Variants in INPP5A observed in about 807,000 individuals in gnomAD.
The protein encoded by INPP5A is inositol polyphosphate-5-phosphatase A, also known as 43 kDa inositol polyphosphate 5-phophatase.
INPP5A carries 14 observed loss-of-function variants against 65.2 expected under a neutral mutation model. That is an observed-to-expected ratio of 0.21 (90% CI 0.14 to 0.34). The LOEUF (loss-of-function observed/expected upper bound fraction) is 0.34, where lower values mean the gene tolerates loss of function less well. Ranked by LOEUF, INPP5A falls within the 10% of genes least tolerant of loss-of-function variation. INPP5A has a pLI of 1.00. For missense variants in INPP5A, 431 were observed against 545.6 expected, an observed-to-expected ratio of 0.79 and a Z score of 2.09; for synonymous variants, 207 against 208.3, an observed-to-expected ratio of 0.99 and a Z score of 0.05.
chr10:132,672,491 C>G (rs2072903653), intron 4 of INPP5A, among the ~76,000 whole-genome samples: 1 of 152,170 alleles, frequency 6.6e-6, no homozygotes, highest in South Asian at 2.1e-4. Context: ...GATGGTTTTA[C>G]AAAGAGGAGT....
Position 132,727,151 on chromosome 10 carries a change from G to A in INPP5A, c.732+246G>A, listed in dbSNP as rs909791236. On this transcript the variant is annotated intron_variant, in intron 9 of 15. Coordinates refer to ENST00000368594, the MANE Select transcript of INPP5A (RefSeq NM_005539.5). This position sits in a 1 kb window ranked among gnomAD's most constrained non-coding sequence, Gnocchi z 6.5. ...GCGGGTGACAGTGCTGTGGGGCTTTGCCCTGTGGCTTCCGCCGTCGGCACA... is the reference window on the plus strand; with the variant it reads ...GCGGGTGACAGTGCTGTGGGGCTTTACCCTGTGGCTTCCGCCGTCGGCACA... The A allele has an allele frequency of 8.1e-6, 3 of 368,148 alleles. No individual in the cohort carries two copies. Among genetic ancestry groups the A allele is most frequent in the Non-Finnish European group, 1.5e-5 (3 of 202,986 alleles). 22.8% of individuals were successfully genotyped at this position (368,148 alleles called of 1,614,324 possible).
At chr10:132,695,821 A>G (rs963936933) in intron 5 of INPP5A, among the ~76,000 whole-genome samples, 8 of 152,264 alleles carry the variant, frequency 5.3e-5, no homozygotes, top group East Asian at 3.8e-4. Flanking sequence ...GAGGAAAACT[A>G]TAAAACTCTG....
intron 11 of INPP5A, 54 bp downstream of exon 11, chr10:132,749,899 C>T (rs1846443268): frequency 2.1e-6 from 3 of 1,462,996 alleles, no homozygotes; most frequent in African/African-American, 2.8e-5. Flanking sequence ...TCCACGCCCC[C>T]AGGCCTTCCC....
At chr10:132,557,612 G>T (rs1244513852) in intron 1 of INPP5A, among the ~76,000 whole-genome samples, 1 of 152,230 alleles carries the variant, frequency 6.6e-6, no homozygotes, top group East Asian at 1.9e-4. Flanking sequence ...GTCATTGAGT[G>T]CTGGTTTGAA....
chr10:132,689,313 G>T (rs1017760292), intron 4 of INPP5A, among the ~76,000 whole-genome samples: 2 of 152,166 alleles, frequency 1.3e-5, no homozygotes, highest in African/African-American at 4.8e-5. Flanking sequence ...GGCAGCCCCT[G>T]CCCTCCGTCT....
rs899861674 is a variant in INPP5A, at chr10:132,545,758, C to T, written c.75+7587C>T. 3.3e-5 allele frequency among the ~76,000 whole-genome samples: 5 copies of T among 152,236 alleles called. No homozygotes were observed. Among genetic ancestry groups the T allele is most frequent in the African/African-American group, 9.6e-5 (4 of 41,470 alleles). On this transcript the variant is annotated intron_variant, in intron 1 of 15. Transcript: ENST00000368594. The surrounding 1 kb of genome is among the most constrained non-coding windows in gnomAD (Gnocchi z 4.6). ...GCTCAGAGGCTCTGGAGCCCCAAGT[C>T]GCACCCCACCAGGTCTGGTTGGTGC...
chr10:132,664,507 T>C (rs1191094593), intron 4 of INPP5A, among the ~76,000 whole-genome samples: 1 of 152,232 alleles, frequency 6.6e-6, no homozygotes, highest in Admixed American at 6.5e-5. Flanking sequence ...CATCGTGTTT[T>C]TCAGTGTGTT....
At position 132,616,897 on chromosome 10, in the gene INPP5A, G is replaced by A. The variant is rs2072041808; in HGVS notation, c.117+8941G>A. Reference sequence around the variant, plus strand: ...TCTGTTCTGGGAGTGAGGATGTTTGGGGGTTGTGGAGCCATCGTGCTGGCC... The same window carrying A: ...TCTGTTCTGGGAGTGAGGATGTTTGAGGGTTGTGGAGCCATCGTGCTGGCC... On this transcript the variant is annotated intron_variant, in intron 2 of 15. Coordinates refer to ENST00000368594, the MANE Select transcript of INPP5A (RefSeq NM_005539.5). This position sits in a 1 kb window ranked among gnomAD's most constrained non-coding sequence, Gnocchi z 4.9. Among the ~76,000 whole-genome samples the A allele has an allele frequency of 6.6e-6, 1 of 152,004 alleles. No homozygotes were observed. Among genetic ancestry groups the A allele is most frequent in the African/African-American group, 2.4e-5 (1 of 41,368 alleles).
rs569485993 is a variant in INPP5A, at chr10:132,668,334, G to A, written c.306+17829G>A. ...GTTGAGGCTTTCTGTTGGTGGTTAGGGGGCAAAGTGACGCCCTGTAACTTA... is the reference window on the plus strand; with the variant it reads ...GTTGAGGCTTTCTGTTGGTGGTTAGAGGGCAAAGTGACGCCCTGTAACTTA... On this transcript the variant is annotated intron_variant, in intron 4 of 15. Coordinates refer to ENST00000368594, the MANE Select transcript of INPP5A (RefSeq NM_005539.5). Among the ~76,000 whole-genome samples, 52 of 152,292 alleles carry A rather than the reference G, an allele frequency of 3.4e-4. 1 individual carries two copies. In the Middle Eastern group the frequency reaches 0.01, roughly 30 times the overall value.
intron 2 of INPP5A, among the ~76,000 whole-genome samples, chr10:132,622,896 G>A (rs2072125368): frequency 1.4e-5 from 2 of 143,906 alleles, no homozygotes; most frequent in Admixed American, 7.0e-5. Flanking sequence ...AATATACCGC[G>A]TTCGTGGATT....
chr10:132,771,819 C>G (rs562581159), intron 12 of INPP5A, among the ~76,000 whole-genome samples: 1 of 117,402 alleles, frequency 8.5e-6, no homozygotes, highest in African/African-American at 3.5e-5. Flanking sequence ...GCAGCCGCCC[C>G]GTGAAGAGTG....
At chr10:132,666,506 A>C (rs1339950114) in intron 4 of INPP5A, among the ~76,000 whole-genome samples, 1 of 152,040 alleles carries the variant, frequency 6.6e-6, no homozygotes, top group Non-Finnish European at 1.5e-5. Flanking sequence ...AAACAGCCAC[A>C]AAAAAACCCC....
intron 11 of INPP5A, among the ~76,000 whole-genome samples, chr10:132,764,903 G>T (rs1475704220): frequency 4.3e-5 from 6 of 139,380 alleles, no homozygotes; most frequent in Non-Finnish European, 9.3e-5. Context: ...TCAGGAACAC[G>T]GTCGGGCCAG....
chr10:132,774,620 G>C (rs889363729), intron 12 of INPP5A, among the ~76,000 whole-genome samples: 3 of 152,104 alleles, frequency 2.0e-5, no homozygotes. Flanking sequence ...CCAAGACCTC[G>C]ACATAGCCGG....
chr10:132,690,395 C>T lies in INPP5A; in HGVS notation c.310C>T (p.Leu104=). 1.9e-6 allele frequency: 3 copies of T among 1,603,598 alleles called. No homozygotes were observed. Among genetic ancestry groups the T allele is most frequent in the South Asian group, 1.1e-5 (1 of 90,838 alleles). ...GATTTCTCTTTTTGCTCTACAGGCA[C>T]TAGGAAGCTTTTATTTTCTTCATGA... is the stretch of plus-strand genomic sequence containing the variant. ...NYKSQEHFTA[L]GSFYFLHESL... Residue 104 remains leucine (L), a synonymous_variant, in exon 5 of 16, where the codon CTA becomes TTA. Transcript: ENST00000368594.
rs1387500420 is a variant in INPP5A, at chr10:132,678,449, T to C, written c.307-11943T>C. Among the ~76,000 whole-genome samples, 1 of 152,230 alleles carries C rather than the reference T, an allele frequency of 6.6e-6. No homozygotes were observed. Among genetic ancestry groups the C allele is most frequent in the Non-Finnish European group, 1.5e-5 (1 of 68,030 alleles). On this transcript the variant is annotated intron_variant, in intron 4 of 15. Coordinates refer to ENST00000368594, the MANE Select transcript of INPP5A (RefSeq NM_005539.5). The surrounding 1 kb of genome is among the most constrained non-coding windows in gnomAD (Gnocchi z 4.1). ...GGTGTCTTGGGACTTGCCTTTGTGA[T>C]AGGGTTAAATGTGTGACTTTTGCAA...
At chr10:132,680,525 T>C (rs558745517) in intron 4 of INPP5A, among the ~76,000 whole-genome samples, 1 of 152,374 alleles carries the variant, frequency 6.6e-6, no homozygotes, top group Non-Finnish European at 1.5e-5. Context: ...TCGCTCGCTC[T>C]CGGCGCCTGC....
chr10:132,701,388 C>A (rs1215973733), intron 6 of INPP5A, among the ~76,000 whole-genome samples: 2 of 152,182 alleles, frequency 1.3e-5, no homozygotes, highest in African/African-American at 4.8e-5. Flanking sequence ...TGAGGGCTCC[C>A]CAAGTGAGGG....
chr10:132,732,527 A>G (rs559411366), intron 9 of INPP5A, among the ~76,000 whole-genome samples: 2 of 152,328 alleles, frequency 1.3e-5, no homozygotes, highest in East Asian at 3.9e-4. Flanking sequence ...GGCATCATCA[A>G]CACAGTCGTC....
Sources: allele counts gnomAD v4.1 joint callset (sites outside exome capture counted in the v4.1 genomes callset), GRCh38; gene constraint gnomAD v4.1.1; non-coding constraint Gnocchi (gnomAD v3.1); transcripts MANE v1.5; gene names NCBI Gene and HGNC (gene_info 2026-07-23, HGNC 2026-07-21).